PSPH: variants seen among roughly 807,000 people sequenced by gnomAD.
PSPH encodes the protein L-3-phosphoserine phosphatase.
A neutral mutation model predicts 23.4 loss-of-function variants in PSPH; 16 were observed. The ratio of observed to expected loss-of-function variants is 0.68; its 90% confidence interval spans 0.46 to 1.04. PSPH has a LOEUF of 1.04. Among genes scored for constraint, PSPH ranks in the 50% least tolerant of loss-of-function variants. PSPH has a pLI of 0.00. For synonymous variants in PSPH, 68 were observed against 99.7 expected (o/e 0.68, Z 1.89); for missense variants, 223 against 273.7 (o/e 0.81, Z 1.31).
chr7:56,045,886 C>CAAAAAAAAA (rs34528611), intron 1 of PSPH, among the ~76,000 whole-genome samples: 1 of 108,254 alleles, frequency 9.2e-6, no homozygotes, highest in Admixed American at 9.6e-5. Flanking sequence ...GACTTTGTCT[C>CAAAAAAAAA]AAAAAAAAAA....
chr7:56,041,628 G>C (rs1441823842), intron 1 of PSPH, among the ~76,000 whole-genome samples: 2 of 151,956 alleles, frequency 1.3e-5, no homozygotes, highest in Non-Finnish European at 2.9e-5. Context: ...AGAGACATTA[G>C]AAACGTGTGA....
At chr7:56,049,894 C>T (rs1793769571) in intron 1 of PSPH, among the ~76,000 whole-genome samples, 2 of 151,726 alleles carry the variant, frequency 1.3e-5, no homozygotes, top group Non-Finnish European at 2.9e-5. Context: ...ATGCACACCA[C>T]CAGGCCAGGC....
chr7:56,028,925 T>TCTCCTGC, intron 3 of PSPH, among the ~76,000 whole-genome samples: 1 of 152,108 alleles, frequency 6.6e-6, no homozygotes, highest in East Asian at 1.9e-4. Context: ...TTCAAGCGAT[T>TCTCCTGC]CTCCTGCCTC....
intron 1 of PSPH, 148 bp from the exon 2 acceptor site, chr7:56,034,254 C>T (rs1463496481): frequency 1.3e-5 from 2 of 152,222 alleles, no homozygotes; most frequent in East Asian, 3.9e-4. Context: ...CCTCCTCCTC[C>T]GGGGGCTCAG....
rs376149020 is a variant in PSPH, at chr7:56,015,174, T to G, written c.422-3A>C. The G allele has an allele frequency of 1.8e-4, 290 of 1,613,692 alleles. No individual in the cohort carries two copies. Among genetic ancestry groups the G allele is most frequent in the Non-Finnish European group, 2.3e-4 (277 of 1,179,834 alleles). On this transcript the variant is annotated splice_region_variant and splice_polypyrimidine_tract_variant and intron_variant, in intron 6 of 7. Transcript: ENST00000275605. The stretch of plus-strand genomic sequence containing the variant: ...CTCATCAAAACCTGCATATTCACCT[T>G]AAAAGAGAAATAAAAATAGGGTTAA...
intron 1 of PSPH, among the ~76,000 whole-genome samples, chr7:56,041,255 T>C (rs1292938540): frequency 6.8e-6 from 1 of 146,610 alleles, no homozygotes; most frequent in Non-Finnish European, 1.5e-5. Flanking sequence ...CTCTGTGGCC[T>C]AGGCTGGAGT....
chr7:56,038,413 C>G (rs1318814802), intron 1 of PSPH, among the ~76,000 whole-genome samples: 4 of 151,892 alleles, frequency 2.6e-5, no homozygotes, highest in Non-Finnish European at 4.4e-5. Context: ...GAGCGGAGAT[C>G]GCGCCACTGC....
At chr7:56,046,197 C>T (rs1292511519) in intron 1 of PSPH, among the ~76,000 whole-genome samples, 3 of 151,914 alleles carry the variant, frequency 2.0e-5, no homozygotes, top group South Asian at 2.1e-4. Flanking sequence ...AGTGCAATGG[C>T]GCTATTTTGG....
chr7:56,026,663 A>C lies in PSPH; in HGVS notation c.-20+5266T>G, dbSNP rs543543817. Among the ~76,000 whole-genome samples the C allele has an allele frequency of 5.3e-5, 8 of 151,680 alleles. 1 individual carries two copies. Among genetic ancestry groups the C allele is most frequent in the African/African-American group, 1.9e-4 (8 of 41,356 alleles). On this transcript the variant is annotated intron_variant, in intron 3 of 7. Transcript: ENST00000275605. ...TAAAAAAAAAAAGATAAAAAATAAA[A>C]AGAAACCAGTCATTTGGCTTTGGTC...
At chr7:56,039,345 A>T (rs1792174464) in intron 1 of PSPH, among the ~76,000 whole-genome samples, 2 of 152,166 alleles carry the variant, frequency 1.3e-5, no homozygotes, top group African/African-American at 4.8e-5. Flanking sequence ...AATGAGATTG[A>T]GAAAAGGTAT....
chr7:56,021,377 T>C, intron 3 of PSPH, 146 bp from the exon 4 acceptor site: 1 of 541,488 alleles, frequency 1.8e-6, no homozygotes, highest in Non-Finnish European at 2.6e-6. Flanking sequence ...TTTTTCCTTT[T>C]CTTTTTGTTT....
intron 1 of PSPH, among the ~76,000 whole-genome samples, chr7:56,047,698 G>A (rs1450217477): frequency 3.4e-5 from 5 of 145,624 alleles, no homozygotes; most frequent in African/African-American, 1.0e-4. Context: ...TAAGAGCCTC[G>A]CTCTGTCACC....
At chr7:56,048,532 T>C (rs529653405) in intron 1 of PSPH, among the ~76,000 whole-genome samples, 1 of 152,320 alleles carries the variant, frequency 6.6e-6, no homozygotes, top group African/African-American at 2.4e-5. Flanking sequence ...AATCTATAGA[T>C]TGGATCCGGC....
At chr7:56,014,593 C>G (rs1046286500) in intron 7 of PSPH, among the ~76,000 whole-genome samples, 2 of 152,038 alleles carry the variant, frequency 1.3e-5, no homozygotes, top group East Asian at 1.9e-4. Flanking sequence ...GTGCTCAAGC[C>G]ATCTTCCTGC....
chr7:56,016,494 C>T (rs1788581467), intron 6 of PSPH, among the ~76,000 whole-genome samples: 1 of 151,428 alleles, frequency 6.6e-6, no homozygotes. Flanking sequence ...CCGCTATGGA[C>T]CAGAGAGGGG....
intron 7 of PSPH, among the ~76,000 whole-genome samples, chr7:56,012,946 C>T (rs1584368983): frequency 8.0e-6 from 1 of 125,730 alleles, no homozygotes; most frequent in South Asian, 2.5e-4. Flanking sequence ...ATGGCAAAGG[C>T]AAAGCCCTAT....
At chr7:56,046,486 C>T (rs1793262939) in intron 1 of PSPH, among the ~76,000 whole-genome samples, 1 of 152,072 alleles carries the variant, frequency 6.6e-6, no homozygotes, top group African/African-American at 2.4e-5. Flanking sequence ...CCACGTTGGC[C>T]TTCCAAAGTG....
intron 6 of PSPH, 32 bp from the exon 7 acceptor site, chr7:56,015,203 C>T: frequency 6.2e-7 from 1 of 1,610,988 alleles, no homozygotes; most frequent in Non-Finnish European, 8.5e-7. Flanking sequence ...GGGTTAAAGA[C>T]CCAGAGAAGT....
chr7:56,018,662 T>C (rs1788915407), intron 5 of PSPH, among the ~76,000 whole-genome samples: 1 of 151,672 alleles, frequency 6.6e-6, no homozygotes, highest in Non-Finnish European at 1.5e-5. Context: ...CCCCCATCTC[T>C]ACAAAAAATA....
Sources: allele counts gnomAD v4.1 joint callset (sites outside exome capture counted in the v4.1 genomes callset), GRCh38; gene constraint gnomAD v4.1.1; transcripts MANE v1.5; gene names NCBI Gene and HGNC (gene_info 2026-07-23, HGNC 2026-07-21).